The following CNTNAP5 variants were observed in gnomAD, a reference collection of about 807,000 sequenced individuals.
CNTNAP5 encodes contactin associated protein family member 5, also known as contactin-associated protein-like 5.
In CNTNAP5, 72 loss-of-function variants were observed where a neutral mutation model predicts 150.2. The observed-to-expected ratio is 0.48, with a 90% CI of 0.40 to 0.58. CNTNAP5 has a LOEUF of 0.58. CNTNAP5 is among the 20% of genes least tolerant of loss of function. The pLI is 0.00. For missense variants in CNTNAP5, 1,636 were observed against 1,626.2 expected, an observed-to-expected ratio of 1.01 and a Z score of -0.10; for synonymous variants, 672 against 619.8, an observed-to-expected ratio of 1.08 and a Z score of -1.25.
intron 3 of CNTNAP5, among the ~76,000 whole-genome samples, chr2:124,377,284 C>T (rs1690672633): frequency 6.6e-6 from 1 of 151,968 alleles, no homozygotes; most frequent in African/African-American, 2.4e-5. Flanking sequence ...GGTCTCTTCC[C>T]ATGTATTTAA....
At chr2:124,232,909 T>G (rs942272485) in intron 2 of CNTNAP5, among the ~76,000 whole-genome samples, 6 of 152,176 alleles carry the variant, frequency 3.9e-5, no homozygotes, top group Non-Finnish European at 8.8e-5. Flanking sequence ...TATTAAATTA[T>G]TCAGATTAGG....
chr2:124,305,140 G>A (rs529280127), intron 3 of CNTNAP5, among the ~76,000 whole-genome samples: 177 of 150,874 alleles, frequency 1.2e-3, no homozygotes, highest in African/African-American at 4.1e-3. Flanking sequence ...AAAGTGGGGT[G>A]TGGTGGCACA....
Position 124,624,265 on chromosome 2 carries a change from G to C in CNTNAP5, c.1876+14345G>C, listed in dbSNP as rs537029119. On this transcript the variant is annotated intron_variant, in intron 12 of 23. Coordinates refer to ENST00000682447, the MANE Select transcript of CNTNAP5 (RefSeq NM_001367498.1). Reference sequence around the variant, plus strand: ...TGCCAAGAATTTTAACAGGCACTTAGAGAAATTCCTTTCACATACCCGTTT... The same window carrying C: ...TGCCAAGAATTTTAACAGGCACTTACAGAAATTCCTTTCACATACCCGTTT... Among the ~76,000 whole-genome samples, 48 of 152,326 alleles carry C rather than the reference G, an allele frequency of 3.2e-4. No homozygotes were observed. The South Asian group carries it at 9.3e-3, about 30-fold the overall frequency.
intron 12 of CNTNAP5, among the ~76,000 whole-genome samples, chr2:124,620,745 GCACACACACACACACACA>G (rs3039903): frequency 7.7e-5 from 8 of 103,616 alleles, no homozygotes; most frequent in African/African-American, 2.2e-4. Flanking sequence ...ACACACACAT[GCACACACACACACACACA>G]CACACACACA....
In CNTNAP5 at chr2:124,902,905, G is replaced by A. The variant is rs200486324; in HGVS notation, c.3460G>A (p.Val1154Ile). The part of the protein sequence containing the change: ...VTENLGLDSE[V>I]AKANAMGFAG... ...AGAGAATCTTGGTTTGGATTCTGAAGTTGCTAAAGCAAATGCCATGGGTTT... is the reference window on the plus strand; with the variant it reads ...AGAGAATCTTGGTTTGGATTCTGAAATTGCTAAAGCAAATGCCATGGGTTT... The change falls in exon 22 of 24, where the codon GTT becomes ATT. Residue 1154 changes from valine to isoleucine, a missense_variant. Transcript: ENST00000682447. 1.7e-4 allele frequency: 270 copies of A among 1,609,392 alleles called. No homozygotes were observed. Among genetic ancestry groups the A allele is most frequent in the Middle Eastern group, 3.3e-4 (2 of 6,054 alleles).
At chr2:124,344,980 A>G (rs1196971152) in intron 3 of CNTNAP5, among the ~76,000 whole-genome samples, 1 of 152,162 alleles carries the variant, frequency 6.6e-6, no homozygotes, top group Non-Finnish European at 1.5e-5. Context: ...GGAAAATGTT[A>G]CAAAGTTATC....
intron 3 of CNTNAP5, among the ~76,000 whole-genome samples, chr2:124,280,596 C>G (rs1162640289): frequency 8.5e-5 from 13 of 152,066 alleles, no homozygotes; most frequent in Admixed American, 8.5e-4. Context: ...CAAAGGGAGA[C>G]AGCAAAACGT....
rs747273568 is a variant in CNTNAP5, at chr2:124,527,386, A to C, written c.1579A>C (p.Ile527Leu). 1.2e-6 allele frequency: 2 copies of C among 1,613,706 alleles called. No homozygotes were observed. Among genetic ancestry groups the C allele is most frequent in the Non-Finnish European group, 1.7e-6 (2 of 1,179,674 alleles). Residue 527 changes from isoleucine to leucine, a missense_variant, in exon 10 of 24, where the codon ATT becomes CTT. Transcript: ENST00000682447. ...IFIDNQPKDL[I>L]SVQQGSLGNF... is the part of the protein sequence containing the mutation. ...TATTGATAACCAGCCCAAGGACCTC[A>C]TTTCAGTTCAGCAAGGTTCCCTGGG...
At chr2:124,241,141 A>G (rs967740262) in intron 2 of CNTNAP5, among the ~76,000 whole-genome samples, 10 of 152,186 alleles carry the variant, frequency 6.6e-5, no homozygotes, top group Non-Finnish European at 1.0e-4. Flanking sequence ...TGGGAACAGT[A>G]GAAGTGAATA....
intron 1 of CNTNAP5, among the ~76,000 whole-genome samples, chr2:124,207,495 G>A (rs1685891708): frequency 6.6e-6 from 1 of 152,178 alleles, no homozygotes; most frequent in South Asian, 2.1e-4. Context: ...ATGCACTGAT[G>A]TTTGAGATTG....
chr2:124,725,960 G>A (rs896101345), intron 13 of CNTNAP5, among the ~76,000 whole-genome samples: 5 of 151,730 alleles, frequency 3.3e-5, no homozygotes, highest in Admixed American at 6.6e-5. Context: ...GTATATATGC[G>A]TGTGTGTATA....
At chr2:124,490,924 A>T (rs1180297275) in intron 7 of CNTNAP5, among the ~76,000 whole-genome samples, 2 of 152,142 alleles carry the variant, frequency 1.3e-5, no homozygotes, top group Non-Finnish European at 2.9e-5. Flanking sequence ...TGTGGTATGC[A>T]TTATATTTCT....
intron 19 of CNTNAP5, among the ~76,000 whole-genome samples, chr2:124,822,073 C>A (rs190911272): frequency 6.6e-6 from 1 of 151,644 alleles, no homozygotes; most frequent in African/African-American, 2.4e-5. Flanking sequence ...CATTACCCAG[C>A]CATTTAGTCC....
chr2:124,204,120 T>G (rs1268402904), intron 1 of CNTNAP5, among the ~76,000 whole-genome samples: 2 of 152,216 alleles, frequency 1.3e-5, no homozygotes, highest in Admixed American at 6.5e-5. Context: ...ACCCTAGTCA[T>G]GTCTTGAAGG....
In CNTNAP5 at chr2:124,446,749, A is replaced by C; in HGVS notation, c.734-4A>C. ...ATCATCTTGCCTCTCTCCCCTCTTC[A>C]CAGGTGACAGCAAAGCGCGGCTCAG... On this transcript the variant is annotated splice_region_variant and splice_polypyrimidine_tract_variant and intron_variant, in intron 5 of 23. Transcript: ENST00000682447. The C allele has an allele frequency of 1.2e-6, 2 of 1,612,232 alleles. No individual in the cohort carries two copies. Among genetic ancestry groups the C allele is most frequent in the Non-Finnish European group, 1.7e-6 (2 of 1,179,064 alleles).
intron 1 of CNTNAP5, among the ~76,000 whole-genome samples, chr2:124,126,102 T>C (rs1683690806): frequency 6.6e-6 from 1 of 151,996 alleles, no homozygotes; most frequent in Non-Finnish European, 1.5e-5. Context: ...AAAAAACCCT[T>C]CAAAAAAATC....
intron 1 of CNTNAP5, among the ~76,000 whole-genome samples, chr2:124,127,641 G>A (rs1293323752): frequency 3.3e-5 from 5 of 152,030 alleles, no homozygotes; most frequent in African/African-American, 4.8e-5. Flanking sequence ...GAGGCATCAC[G>A]CTACCTGACT....
At chr2:124,062,349 C>G (rs566849800) in intron 1 of CNTNAP5, among the ~76,000 whole-genome samples, 1 of 152,274 alleles carries the variant, frequency 6.6e-6, no homozygotes, top group East Asian at 1.9e-4. Flanking sequence ...GCTCAGAATG[C>G]TCTTCTTTAA....
intron 3 of CNTNAP5, among the ~76,000 whole-genome samples, chr2:124,284,905 T>C (rs1416616158): frequency 6.6e-6 from 1 of 152,128 alleles, no homozygotes; most frequent in Non-Finnish European, 1.5e-5. Context: ...GAAAGGCCTG[T>C]GTGAACCAGG....
Sources: allele counts gnomAD v4.1 joint callset (sites outside exome capture counted in the v4.1 genomes callset), GRCh38; gene constraint gnomAD v4.1.1; transcripts MANE v1.5; gene names NCBI Gene and HGNC (gene_info 2026-07-23, HGNC 2026-07-21).